The following CTIF variants were observed in gnomAD, a reference collection of about 807,000 sequenced individuals.
CTIF encodes the protein CBP80/20-dependent translation initiation factor.
CTIF carries 21 observed loss-of-function variants against 66.0 expected under a neutral mutation model. The ratio of observed to expected loss-of-function variants is 0.32; its 90% CI spans 0.23 to 0.46. CTIF has a LOEUF of 0.46. Ranked by LOEUF, CTIF falls within the 20% of genes least tolerant of loss-of-function variation. The probability of loss-of-function intolerance (pLI) is 1.00; values close to 1 mark genes in which losing one functional copy is unlikely to be tolerated. For missense variants in CTIF, 739 were observed against 812.7 expected, an observed-to-expected ratio of 0.91 and a Z score of 1.10; for synonymous variants, 345 against 326.4, an observed-to-expected ratio of 1.06 and a Z score of -0.62.
chr18:48,742,571 C>T lies in CTIF; in HGVS notation c.585-15348C>T, dbSNP rs7244433. ...CTGACTTATCACTGCTGCCATTTCCCGAGTGAGTGATGACAGCAGCAGCGG... is the reference window on the plus strand; with the variant it reads ...CTGACTTATCACTGCTGCCATTTCCTGAGTGAGTGATGACAGCAGCAGCGG... On this transcript the variant is annotated intron_variant, in intron 7 of 11. Transcript: ENST00000256413. Among the ~76,000 whole-genome samples the T allele has an allele frequency of 9.3e-3, 1,411 of 152,322 alleles. 28 individuals carry two copies. Among genetic ancestry groups the T allele is most frequent in the African/African-American group, 0.031 (1,288 of 41,564 alleles).
chr18:48,722,540 G>C (rs952273264), intron 7 of CTIF, among the ~76,000 whole-genome samples: 1 of 152,066 alleles, frequency 6.6e-6, no homozygotes, highest in Non-Finnish European at 1.5e-5. Flanking sequence ...TCTTGAGATC[G>C]TATGCTGCCC....
intron 10 of CTIF, among the ~76,000 whole-genome samples, chr18:48,820,711 C>T (rs1167950912): frequency 6.6e-6 from 1 of 152,122 alleles, no homozygotes; most frequent in African/African-American, 2.4e-5. Context: ...AAGTCACTCA[C>T]TCCATCCCCT....
intron 9 of CTIF, among the ~76,000 whole-genome samples, chr18:48,808,192 C>T (rs994210130): frequency 4.6e-5 from 7 of 152,082 alleles, no homozygotes; most frequent in African/African-American, 1.2e-4. Flanking sequence ...GGGAAAAAGA[C>T]GTTTTCATTC....
At chr18:48,664,391 C>A (rs1294394538) in intron 4 of CTIF, 56 bp from the exon 5 acceptor site, 10 of 1,470,708 alleles carry the variant, frequency 6.8e-6, no homozygotes, top group Middle Eastern at 3.4e-4. Flanking sequence ...CTGGTTCCGT[C>A]AGTAACTGGG....
intron 5 of CTIF, among the ~76,000 whole-genome samples, chr18:48,666,070 C>T (rs2091430784): frequency 6.6e-6 from 1 of 152,202 alleles, no homozygotes; most frequent in Non-Finnish European, 1.5e-5. Flanking sequence ...TTCATACCAG[C>T]AATGTATGAG....
At chr18:48,688,173 G>C (rs2091872979) in intron 6 of CTIF, 1 of 152,300 alleles carries the variant, frequency 6.6e-6, no homozygotes, top group African/African-American at 2.4e-5. Flanking sequence ...AGGCCAGTCT[G>C]TGCACGGTTT....
intron 7 of CTIF, among the ~76,000 whole-genome samples, chr18:48,741,876 C>T (rs546987002): frequency 2.6e-5 from 4 of 152,160 alleles, no homozygotes; most frequent in Non-Finnish European, 5.9e-5. Flanking sequence ...GGGCGCCTCC[C>T]GGGGAACAGA....
chr18:48,771,695 C>A (rs1910134859), intron 9 of CTIF, among the ~76,000 whole-genome samples: 1 of 152,186 alleles, frequency 6.6e-6, no homozygotes, highest in Non-Finnish European at 1.5e-5. Flanking sequence ...GTCCCAGGCC[C>A]CAGAGGGTCA....
At chr18:48,832,911 T>C (rs2068724247) in intron 10 of CTIF, among the ~76,000 whole-genome samples, 1 of 152,228 alleles carries the variant, frequency 6.6e-6, no homozygotes, top group South Asian at 2.1e-4. Flanking sequence ...TGTTCTTTCC[T>C]GATAGTCAGG....
intron 7 of CTIF, among the ~76,000 whole-genome samples, chr18:48,756,770 C>T (rs547987117): frequency 6.6e-6 from 1 of 152,308 alleles, no homozygotes; most frequent in African/African-American, 2.4e-5. Flanking sequence ...CCCTCACCAC[C>T]CCTTCACTTG....
chr18:48,618,781 C>T (rs950388710), intron 1 of CTIF, among the ~76,000 whole-genome samples: 6 of 152,222 alleles, frequency 3.9e-5, no homozygotes, highest in East Asian at 3.8e-4. Context: ...TCATCTATGC[C>T]GCGCTGCCCC....
At chr18:48,677,599 C>T (rs965820245) in intron 6 of CTIF, among the ~76,000 whole-genome samples, 3 of 152,206 alleles carry the variant, frequency 2.0e-5, no homozygotes, top group African/African-American at 7.2e-5. Flanking sequence ...CCTCACTTTA[C>T]AGACCGATGT....
chr18:48,611,471 A>G (rs969846028), intron 1 of CTIF, among the ~76,000 whole-genome samples: 3 of 152,098 alleles, frequency 2.0e-5, no homozygotes, highest in African/African-American at 7.2e-5. Context: ...TGGCCTGGGG[A>G]CTCCACCCAT....
chr18:48,723,812 A>G (rs2092362700), intron 7 of CTIF, among the ~76,000 whole-genome samples: 1 of 152,228 alleles, frequency 6.6e-6, no homozygotes, highest in Non-Finnish European at 1.5e-5. Context: ...CAGTAATTTA[A>G]TTATAGCCAT....
intron 10 of CTIF, among the ~76,000 whole-genome samples, chr18:48,825,421 C>T (rs1024719178): frequency 1.3e-5 from 2 of 152,226 alleles, no homozygotes; most frequent in Non-Finnish European, 2.9e-5. Context: ...TCAGGCTTCT[C>T]AGGAAATGAA....
chr18:48,628,734 A>C lies in CTIF; in HGVS notation c.181-7880A>C, dbSNP rs1187138615. ...TCAGGACTCTCTGCTTCAAGAACTC[A>C]AGCTCCTAATCACGCAAGCATTCTC... On this transcript the variant is annotated intron_variant, in intron 2 of 11. Transcript: ENST00000256413. 3.7e-4 allele frequency among the ~76,000 whole-genome samples: 56 copies of C among 152,204 alleles called. 1 individual carries two copies. The highest frequency in any genetic ancestry group is 3.7e-3 in the Admixed American group (56 of 15,274).
At chr18:48,638,720 G>A (rs1346520681) in intron 3 of CTIF, among the ~76,000 whole-genome samples, 2 of 152,242 alleles carry the variant, frequency 1.3e-5, no homozygotes, top group African/African-American at 4.8e-5. Flanking sequence ...CAGTTGACTC[G>A]GGGTACGCAG....
chr18:48,558,593 C>G (rs979357603), intron 1 of CTIF, among the ~76,000 whole-genome samples: 1 of 152,200 alleles, frequency 6.6e-6, no homozygotes, highest in Non-Finnish European at 1.5e-5. Flanking sequence ...AAAAAGTGGT[C>G]AGCACCTAAA....
chr18:48,649,352 A>G (rs1304442747), intron 3 of CTIF, among the ~76,000 whole-genome samples: 1 of 152,210 alleles, frequency 6.6e-6, no homozygotes, highest in African/African-American at 2.4e-5. Flanking sequence ...ACTCACTGCT[A>G]GCGCAGCAGT....
Sources: gnomAD v4.1 joint callset for allele counts (sites outside exome capture counted in the v4.1 genomes callset) on GRCh38, gnomAD v4.1.1 for gene constraint, MANE v1.5 for transcripts, NCBI Gene and HGNC (gene_info 2026-07-23, HGNC 2026-07-21) for gene names.